The following GMDS variants were observed in gnomAD, a reference collection of about 807,000 sequenced individuals.
The protein encoded by GMDS is GDP-mannose 4,6-dehydratase, also known as GDP-mannose 4,6 dehydratase.
Under a neutral mutation model 49.9 loss-of-function variants are expected in GMDS, and 20 were observed. That is an observed-to-expected ratio of 0.40 (90% CI 0.28 to 0.58). The LOEUF (loss-of-function observed/expected upper bound fraction) is 0.58, where lower values mean the gene tolerates loss of function less well. Among genes scored for constraint, GMDS ranks in the 20% least tolerant of loss-of-function variants. The pLI is 0.42. For missense variants in GMDS, 362 were observed against 481.4 expected (o/e 0.75, Z 2.32); for synonymous variants, 177 against 178.6 (o/e 0.99, Z 0.07).
At chr6:1,858,461 C>T (rs1241696051) in intron 7 of GMDS, among the ~76,000 whole-genome samples, 2 of 152,166 alleles carry the variant, frequency 1.3e-5, no homozygotes, top group Non-Finnish European at 1.5e-5. Flanking sequence ...AAAAACCTTT[C>T]AATAACAATG....
intron 7 of GMDS, among the ~76,000 whole-genome samples, chr6:1,914,660 C>T (rs113466677): frequency 1.7e-3 from 255 of 152,256 alleles, no homozygotes; most frequent in African/African-American, 4.0e-3. Flanking sequence ...TCCCAAGGTG[C>T]GCCCCTCACA....
At chr6:1,713,754 A>G (rs770413592) in intron 9 of GMDS, among the ~76,000 whole-genome samples, 13 of 152,214 alleles carry the variant, frequency 8.5e-5, no homozygotes, top group Non-Finnish European at 1.6e-4. Context: ...GTTTTTATCC[A>G]TAGTCTCTTC....
intron 1 of GMDS, among the ~76,000 whole-genome samples, chr6:2,163,175 A>C (rs143040465): frequency 4.6e-5 from 7 of 152,244 alleles, no homozygotes; most frequent in Admixed American, 4.6e-4. Flanking sequence ...ACAATAATAA[A>C]CTGTCCTAAC....
intron 1 of GMDS, among the ~76,000 whole-genome samples, chr6:2,216,510 T>C (rs1780342008): frequency 6.6e-6 from 1 of 152,206 alleles, no homozygotes; most frequent in African/African-American, 2.4e-5. Flanking sequence ...TGTGAGCACG[T>C]GTGCACATGG....
At chr6:2,201,768 C>T (rs1468464339) in intron 1 of GMDS, among the ~76,000 whole-genome samples, 5 of 130,020 alleles carry the variant, frequency 3.8e-5, no homozygotes, top group Non-Finnish European at 6.5e-5. Context: ...GAAGACAGAG[C>T]ACCACATGGG....
At chr6:1,928,779 G>A (rs1200273727) in intron 7 of GMDS, among the ~76,000 whole-genome samples, 2 of 152,094 alleles carry the variant, frequency 1.3e-5, no homozygotes, top group Non-Finnish European at 2.9e-5. Context: ...GACCCGCCTG[G>A]TCAAAATGGT....
At chr6:1,741,031 T>C (rs1460548922) in intron 8 of GMDS, among the ~76,000 whole-genome samples, 1 of 152,208 alleles carries the variant, frequency 6.6e-6, no homozygotes, top group African/African-American at 2.4e-5. Flanking sequence ...CTGAGTGTTC[T>C]TATTTTTGTT....
chr6:1,934,536 G>C (rs1464829302), intron 6 of GMDS, among the ~76,000 whole-genome samples: 1 of 152,038 alleles, frequency 6.6e-6, no homozygotes, highest in Non-Finnish European at 1.5e-5. Context: ...CTTTATTTTG[G>C]TCTTTTAAAA....
chr6:2,222,313 G>T (rs1035022795), intron 1 of GMDS, among the ~76,000 whole-genome samples: 1 of 152,182 alleles, frequency 6.6e-6, no homozygotes, highest in Admixed American at 6.5e-5. Context: ...TGGGGTTAGA[G>T]ACCACACCCT....
chr6:1,827,296 T>TGTTTTGGAAAACCTGTATATACACAC (rs1771167652), intron 7 of GMDS, among the ~76,000 whole-genome samples: 1 of 151,740 alleles, frequency 6.6e-6, no homozygotes, highest in African/African-American at 2.4e-5. Flanking sequence ...TATACACACA[T>TGTTTTGGAAAACCTGTATATACACAC]GTTTTGGAAA....
chr6:1,923,391 T>C (rs1259041623), intron 7 of GMDS, among the ~76,000 whole-genome samples: 2 of 152,206 alleles, frequency 1.3e-5, no homozygotes, highest in African/African-American at 4.8e-5. Flanking sequence ...AACACACTGC[T>C]GTCCACAGAC....
intron 7 of GMDS, among the ~76,000 whole-genome samples, chr6:1,798,970 A>G (rs972896279): frequency 6.6e-6 from 1 of 152,182 alleles, no homozygotes. Context: ...TCTGTCAAAC[A>G]TAGGGTGTTC....
chr6:2,023,757 AAGAC>A (rs1768414067), intron 4 of GMDS, among the ~76,000 whole-genome samples: 1 of 152,216 alleles, frequency 6.6e-6, no homozygotes, highest in Non-Finnish European at 1.5e-5. Context: ...CATGCTCTAA[AAGAC>A]AGAGATGAGA....
At chr6:1,760,836 G>A (rs1246066605) in intron 7 of GMDS, among the ~76,000 whole-genome samples, 1 of 152,158 alleles carries the variant, frequency 6.6e-6, no homozygotes. Flanking sequence ...ACTATGAGGA[G>A]TATCTGAGCT....
intron 7 of GMDS, among the ~76,000 whole-genome samples, chr6:1,760,229 A>G (rs1052906098): frequency 6.6e-6 from 1 of 152,142 alleles, no homozygotes; most frequent in African/African-American, 2.4e-5. Flanking sequence ...GTTTTCCATG[A>G]ATTTCTTTGA....
intron 7 of GMDS, among the ~76,000 whole-genome samples, chr6:1,793,744 G>A (rs934576249): frequency 1.3e-5 from 2 of 152,102 alleles, no homozygotes; most frequent in African/African-American, 2.4e-5. Context: ...GGAATTCTGG[G>A]TTTCTCATTT....
chr6:2,115,930 C>A, intron 3 of GMDS, 50 bp from the exon 4 acceptor site: 2 of 1,058,788 alleles, frequency 1.9e-6, no homozygotes, highest in South Asian at 1.3e-5. Flanking sequence ...AACATAAGCT[C>A]AATTTTTAAA....
At chr6:2,145,883 T>C (rs1283807375) in intron 1 of GMDS, among the ~76,000 whole-genome samples, 2 of 152,130 alleles carry the variant, frequency 1.3e-5, no homozygotes, top group Non-Finnish European at 2.9e-5. Context: ...CAGGAGGATG[T>C]ACGTAAGTTA....
chr6:1,904,001 C>T (rs943733955), intron 7 of GMDS, among the ~76,000 whole-genome samples: 5 of 152,134 alleles, frequency 3.3e-5, no homozygotes, highest in African/African-American at 4.8e-5. Context: ...TGATTTATTG[C>T]GACTGAGTCC....
Sources: gnomAD v4.1 joint callset for allele counts (sites outside exome capture counted in the v4.1 genomes callset) on GRCh38, gnomAD v4.1.1 for gene constraint, MANE v1.5 for transcripts, NCBI Gene and HGNC (gene_info 2026-07-23, HGNC 2026-07-21) for gene names.